Variants in VAV2 observed in about 807,000 individuals in gnomAD.
The protein encoded by VAV2 is vav guanine nucleotide exchange factor 2.
VAV2 carries 67 observed loss-of-function variants against 132.5 expected under a neutral mutation model. That is an observed-to-expected ratio of 0.51 (90% CI 0.42 to 0.62). The LOEUF (loss-of-function observed/expected upper bound fraction) is 0.62. Among genes scored for constraint, VAV2 ranks in the 20% least tolerant of loss-of-function variants. VAV2 has a pLI of 0.00. For missense variants in VAV2, 938 were observed against 1,153.6 expected (o/e 0.81, Z 2.71); for synonymous variants, 492 against 443.5 (o/e 1.11, Z -1.37).
chr9:133,768,688 G>A lies in VAV2; in HGVS notation c.2435-92C>T, dbSNP rs1588150568. On this transcript the variant is annotated intron_variant, in intron 28 of 29. Transcript: ENST00000371850. This position sits in a 1 kb window ranked among gnomAD's most constrained non-coding sequence, Gnocchi z 5.3. ...TTGGGCCAAGCTGGGTCTCTCCCCT[G>A]GTGCCCAGAACCCTGCTCTGTACCC... 1 of 1,479,450 alleles carries A rather than the reference G, an allele frequency of 6.8e-7. No homozygotes were observed. The highest frequency in any genetic ancestry group is 2.4e-5 in the East Asian group (1 of 40,948). The allele number at this position is 1,479,450 out of a possible 1,614,324, so 91.6% of individuals were successfully genotyped here.
chr9:133,946,513 G>A (rs934799593), intron 1 of VAV2, among the ~76,000 whole-genome samples: 9 of 152,228 alleles, frequency 5.9e-5, no homozygotes, highest in African/African-American at 2.2e-4. Context: ...AAGGCTCCAG[G>A]AAGTACCCAC....
At chr9:133,955,131 C>G (rs1841709547) in intron 1 of VAV2, among the ~76,000 whole-genome samples, 1 of 151,966 alleles carries the variant, frequency 6.6e-6, no homozygotes, top group African/African-American at 2.4e-5. Flanking sequence ...CAGGCTCGGC[C>G]AAGGGTACAG....
chr9:133,827,970 C>T (rs1283912720), intron 4 of VAV2, among the ~76,000 whole-genome samples: 1 of 302 alleles, frequency 3.3e-3, no homozygotes, highest in Non-Finnish European at 5.9e-3. Context: ...GACCACTGAG[C>T]ACGGGCATCA....
At chr9:133,844,010 C>G (rs1836830815) in intron 3 of VAV2, among the ~76,000 whole-genome samples, 1 of 152,134 alleles carries the variant, frequency 6.6e-6, no homozygotes, top group South Asian at 2.1e-4. Context: ...TACACCAGAG[C>G]CCCAGAGGAG....
At chr9:133,880,986 T>C (rs2131937954) in intron 2 of VAV2, among the ~76,000 whole-genome samples, 1 of 152,248 alleles carries the variant, frequency 6.6e-6, no homozygotes, top group South Asian at 2.1e-4. Flanking sequence ...GTCCCCCCAC[T>C]GTCAGGTGCT....
At position 133,939,145 on chromosome 9, in the gene VAV2, C is replaced by A; in HGVS notation, c.279G>T (p.Leu93=). 1 of 1,614,250 alleles carries A rather than the reference C, an allele frequency of 6.2e-7. No homozygotes were observed. Among genetic ancestry groups the A allele is most frequent in the Non-Finnish European group, 8.5e-7 (1 of 1,180,036 alleles). ...HDKFGLRNSE[L]FDPFDLFDVR... ...CATCGAAGAGGTCAAAGGGGTCAAA[C>A]AGCTCGCTGTTCCTTAATCCAAATT... The change falls in exon 2 of 30, where the codon CTG becomes CTT. Residue 93 remains leucine (L), a synonymous_variant. Transcript: ENST00000371850.
In VAV2 at chr9:133,814,512, C is replaced by T. The variant is rs1033179875; in HGVS notation, c.450-2296G>A. Among the ~76,000 whole-genome samples the T allele has an allele frequency of 1.7e-4, 26 of 152,258 alleles. 1 individual carries two copies. Among genetic ancestry groups the T allele is most frequent in the African/African-American group, 6.3e-4 (26 of 41,468 alleles). ...CGAGACAACTCGAGGGCAGATGAGGCCACTCAGACTGTCTAGAGACAGACG... is the reference window on the plus strand; with the variant it reads ...CGAGACAACTCGAGGGCAGATGAGGTCACTCAGACTGTCTAGAGACAGACG... On this transcript the variant is annotated intron_variant, in intron 4 of 29. Coordinates refer to ENST00000371850, the MANE Select transcript of VAV2 (RefSeq NM_001134398.2).
At chr9:133,944,392 T>C (rs2132155366) in intron 1 of VAV2, among the ~76,000 whole-genome samples, 1 of 152,324 alleles carries the variant, frequency 6.6e-6, no homozygotes, top group Non-Finnish European at 1.5e-5. Context: ...GCAAATCCAC[T>C]TGCCTGAGTC....
chr9:133,798,163 C>A (rs1049922517), intron 9 of VAV2, among the ~76,000 whole-genome samples: 19 of 152,166 alleles, frequency 1.2e-4, no homozygotes, highest in Non-Finnish European at 4.4e-5. Context: ...CCTGACATCC[C>A]CCCAGGAAAG....
intron 1 of VAV2, among the ~76,000 whole-genome samples, chr9:133,967,469 CT>C (rs1343940986): frequency 2.0e-5 from 3 of 152,208 alleles, no homozygotes; most frequent in African/African-American, 7.2e-5. Flanking sequence ...TACCGTAGCA[CT>C]ATTCACAATC....
intron 2 of VAV2, among the ~76,000 whole-genome samples, chr9:133,908,174 G>T (rs1411079937): frequency 6.6e-6 from 1 of 151,250 alleles, no homozygotes; most frequent in African/African-American, 2.4e-5. Flanking sequence ...GGAGGCTAAA[G>T]TGAGGGGTAG....
At chr9:133,968,509 G>A (rs989070411) in intron 1 of VAV2, among the ~76,000 whole-genome samples, 1 of 152,188 alleles carries the variant, frequency 6.6e-6, no homozygotes, top group Admixed American at 6.5e-5. Flanking sequence ...AACATGAAGA[G>A]GAAGAGAAAC....
At chr9:133,943,101 G>A (rs1042810261) in intron 1 of VAV2, among the ~76,000 whole-genome samples, 2 of 151,878 alleles carry the variant, frequency 1.3e-5, no homozygotes, top group East Asian at 1.9e-4. Context: ...AAGCCATGTC[G>A]ACATCGGCCA....
chr9:133,956,321 T>G (rs1341058491), intron 1 of VAV2, among the ~76,000 whole-genome samples: 3 of 152,102 alleles, frequency 2.0e-5, no homozygotes, highest in Non-Finnish European at 4.4e-5. Flanking sequence ...CCCTACCCTG[T>G]GACCCTCAGC....
chr9:133,930,097 C>A lies in VAV2; in HGVS notation c.321+9006G>T, dbSNP rs917345644. 7.2e-5 allele frequency among the ~76,000 whole-genome samples: 11 copies of A among 152,356 alleles called. No homozygotes were observed. The East Asian group carries it at 1.2e-3, about 16-fold the overall frequency. ...CGTACCTGCACTGACGCCGTCAGCA[C>A]CGACACCGGTGGTCATTGCACTGCA... On this transcript the variant is annotated intron_variant, in intron 2 of 29. Transcript: ENST00000371850.
intron 2 of VAV2, among the ~76,000 whole-genome samples, chr9:133,932,574 G>C (rs938410540): frequency 2.0e-5 from 3 of 152,218 alleles, no homozygotes; most frequent in Non-Finnish European, 4.4e-5. Flanking sequence ...ACTAGGACCT[G>C]CCGTTCATTT....
At chr9:133,822,144 GC>G (rs60906134) in intron 4 of VAV2, among the ~76,000 whole-genome samples, 10,921 of 150,940 alleles carry the variant, frequency 0.072, 1,270 homozygotes, top group African/African-American at 0.25. Context: ...AGAGGCCATT[GC>G]CCCCGCCGCC....
rs560542700 is a variant in VAV2 at position 133,800,477 on chromosome 9, C to G, written c.837-2668G>C. On this transcript the variant is annotated intron_variant, in intron 9 of 29. Coordinates refer to ENST00000371850, the MANE Select transcript of VAV2 (RefSeq NM_001134398.2). ...TGCTGCTGCTGGGGCTGGGGCCACG[C>G]TCGGGCCCGAGGGACACCACACTGC... is the stretch of plus-strand genomic sequence containing the variant. Among the ~76,000 whole-genome samples, 305 of 152,324 alleles carry G rather than the reference C, an allele frequency of 2.0e-3. 1 individual carries two copies. The highest frequency in any genetic ancestry group is 6.2e-3 in the African/African-American group (259 of 41,578).
Position 133,802,775 on chromosome 9 carries a change from C to G in VAV2, c.836+3306G>C. Among the ~76,000 whole-genome samples the G allele has an allele frequency of 6.6e-6, 1 of 152,218 alleles. No homozygotes were observed. Among genetic ancestry groups the G allele is most frequent in the East Asian group, 1.9e-4 (1 of 5,198 alleles). ...ACCTCTGCCTCCAGTCCACACAGCC[C>G]CAACCTCTCAAGATGCCCAGGGACA... On this transcript the variant is annotated intron_variant, in intron 9 of 29. Transcript: ENST00000371850. This position sits in a 1 kb window ranked among gnomAD's most constrained non-coding sequence, Gnocchi z 5.8.
Sources: gnomAD v4.1 joint callset for allele counts (sites outside exome capture counted in the v4.1 genomes callset) on GRCh38, gnomAD v4.1.1 for gene constraint, Gnocchi (gnomAD v3.1) non-coding constraint, MANE v1.5 for transcripts, NCBI Gene and HGNC (gene_info 2026-07-23, HGNC 2026-07-21) for gene names.